Variants in C4orf51 observed in about 807,000 individuals in gnomAD.
C4orf51 encodes uncharacterized protein C4orf51.
C4orf51 carries 25 observed loss-of-function variants against 25.2 expected under a neutral mutation model. The ratio of observed to expected loss-of-function variants is 0.99; its 90% CI spans 0.72 to 1.39. C4orf51 has a LOEUF of 1.39. Among genes scored for constraint, C4orf51 ranks in the 40% most tolerant of loss-of-function variants. The probability of loss-of-function intolerance (pLI) is 0.00; values close to 1 mark genes in which losing one functional copy is unlikely to be tolerated. For synonymous variants in C4orf51, 100 were observed against 84.5 expected (o/e 1.18, Z -1.01); for missense variants, 252 against 239.6 (o/e 1.05, Z -0.34).
intron 1 of C4orf51, chr4:145,770,876 CTTAA>C (rs1736181140): frequency 6.6e-6 from 1 of 152,144 alleles, no homozygotes; most frequent in Non-Finnish European, 1.5e-5. Context: ...GTATATACAG[CTTAA>C]TTAGTTTCCA....
rs1187143811 is a variant in C4orf51, at chr4:145,765,194, T to G, written n.167-5794T>G. ...CAAGGACCGAAGCTGGGTATAGAGGTGCACAGGGCAGCGGGGAGAGGAGGG... is the reference window on the plus strand; with the variant it reads ...CAAGGACCGAAGCTGGGTATAGAGGGGCACAGGGCAGCGGGGAGAGGAGGG... On this transcript the variant is annotated intron_variant and non_coding_transcript_variant, in intron 1 of 1. Coordinates refer to the C4orf51 transcript ENST00000510096. The surrounding 1 kb of genome is among the most constrained non-coding windows in gnomAD (Gnocchi z 4.7). 6.4e-7 allele frequency: 1 copy of G among 1,571,208 alleles called. No individual in the cohort carries two copies. Among genetic ancestry groups the G allele is most frequent in the East Asian group, 2.2e-5 (1 of 44,500 alleles).
intron 2 of C4orf51, among the ~76,000 whole-genome samples, chr4:145,702,759 C>G (rs1324447986): frequency 1.3e-5 from 2 of 152,118 alleles, no homozygotes; most frequent in African/African-American, 4.8e-5. Context: ...ACCTGTTTTT[C>G]TCCTCTTATT....
chr4:145,769,022 TA>T, intron 1 of C4orf51, among the ~76,000 whole-genome samples: 1 of 149,418 alleles, frequency 6.7e-6, no homozygotes, highest in South Asian at 2.1e-4. Flanking sequence ...CAAAATTTTC[TA>T]GAGTGACCAT....
At chr4:145,710,323 G>A (rs1451320909) in intron 2 of C4orf51, among the ~76,000 whole-genome samples, 1 of 152,124 alleles carries the variant, frequency 6.6e-6, no homozygotes, top group Non-Finnish European at 1.5e-5. Flanking sequence ...CTTGGAAGAG[G>A]GCCAACAGGT....
downstream of C4orf51, among the ~76,000 whole-genome samples, chr4:145,755,709 T>C (rs1043700294): frequency 6.6e-6 from 1 of 152,198 alleles, no homozygotes; most frequent in Non-Finnish European, 1.5e-5. Context: ...CTGGGGCCTG[T>C]TTTACAGGCA....
intron 1 of C4orf51, among the ~76,000 whole-genome samples, chr4:145,694,000 G>A (rs1289727023): frequency 3.2e-5 from 4 of 124,854 alleles, no homozygotes; most frequent in South Asian, 2.9e-4. Flanking sequence ...GGCAGCTGCC[G>A]GGCGGAGGGG....
chr4:145,753,944 C>T (rs1281119585), intron 1 of C4orf51, among the ~76,000 whole-genome samples: 1 of 152,230 alleles, frequency 6.6e-6, no homozygotes, highest in Non-Finnish European at 1.5e-5. Flanking sequence ...CTTTGCCTGC[C>T]TCTTAATGTG....
At chr4:145,781,256 C>CATGGGTCAGAG in the C4orf51 span, among the ~76,000 whole-genome samples, 1 of 93,878 alleles carries the variant, frequency 1.1e-5, no homozygotes, top group Admixed American at 1.1e-4. Flanking sequence ...ATGCTCACAA[C>CATGGGTCAGAG]ATGGGTCAGA....
chr4:145,717,699 C>G (rs576556962), intron 2 of C4orf51, among the ~76,000 whole-genome samples: 2 of 152,200 alleles, frequency 1.3e-5, no homozygotes, highest in Admixed American at 1.3e-4. Flanking sequence ...GAAAGGTTCT[C>G]AAATTCCTTT....
chr4:145,718,541 A>G (rs1731540969), intron 2 of C4orf51, among the ~76,000 whole-genome samples: 1 of 152,240 alleles, frequency 6.6e-6, no homozygotes, highest in Admixed American at 6.5e-5. Flanking sequence ...GACTTCAAAA[A>G]GCAGTAAGAA....
At chr4:145,740,085 G>C (rs565476667) in intron 1 of C4orf51, among the ~76,000 whole-genome samples, 1 of 152,196 alleles carries the variant, frequency 6.6e-6, no homozygotes, top group East Asian at 1.9e-4. Flanking sequence ...CGTTCACGTG[G>C]ATCTTCAAGG....
chr4:145,726,612 G>A (rs901381586), intron 2 of C4orf51, among the ~76,000 whole-genome samples: 17 of 152,178 alleles, frequency 1.1e-4, no homozygotes, highest in African/African-American at 3.6e-4. Flanking sequence ...TCCCTATGTT[G>A]CCAACGCTGG....
Position 145,683,543 on chromosome 4 carries a change from G to T in C4orf51, c.233+3107G>T, listed in dbSNP as rs184719962. Among the ~76,000 whole-genome samples the T allele has an allele frequency of 2.3e-3, 345 of 152,270 alleles. 1 individual carries two copies. Among genetic ancestry groups the T allele is most frequent in the Non-Finnish European group, 3.2e-3 (218 of 67,996 alleles). On this transcript the variant is annotated intron_variant, in intron 1 of 5. Transcript: ENST00000438731. Reference sequence around the variant, plus strand: ...GTAATCAAGATAGTGTAGTATTGGTGAGAGAACAGATCAATGAAGTAGAAT... The same window carrying T: ...GTAATCAAGATAGTGTAGTATTGGTTAGAGAACAGATCAATGAAGTAGAAT...
chr4:145,757,240 A>C (rs2126821807), downstream of C4orf51, among the ~76,000 whole-genome samples: 1 of 152,330 alleles, frequency 6.6e-6, no homozygotes, highest in Middle Eastern at 3.4e-3. Flanking sequence ...ATAGTTGCCC[A>C]ACTTCATTAA....
downstream of C4orf51, among the ~76,000 whole-genome samples, chr4:145,733,712 A>T (rs1051249602): frequency 6.6e-6 from 1 of 152,176 alleles, no homozygotes; most frequent in African/African-American, 2.4e-5. Context: ...GGTTAAATAC[A>T]TTCCCCGGGA....
downstream of C4orf51, among the ~76,000 whole-genome samples, chr4:145,733,351 C>A (rs1560856358): frequency 2.0e-5 from 3 of 152,322 alleles, no homozygotes; most frequent in South Asian, 6.2e-4. Context: ...CCTCGTCGCC[C>A]CCGCGGAGCG....
At chr4:145,779,547 G>T in the C4orf51 span, 1 of 1,603,520 alleles carries the variant, frequency 6.2e-7, no homozygotes, top group East Asian at 2.3e-5. Context: ...GAGAAATAAG[G>T]CAACAAGAAT....
At chr4:145,747,946 G>A (rs964548462) in intron 1 of C4orf51, among the ~76,000 whole-genome samples, 1 of 151,998 alleles carries the variant, frequency 6.6e-6, no homozygotes, top group Non-Finnish European at 1.5e-5. Flanking sequence ...GAGTAGGATT[G>A]GTATTACTTC....
chr4:145,694,936 T>C (rs573704795), intron 1 of C4orf51, among the ~76,000 whole-genome samples: 3 of 152,182 alleles, frequency 2.0e-5, no homozygotes, highest in African/African-American at 7.2e-5. Flanking sequence ...TATGACAAAT[T>C]AGAGAACAAA....
Sources: allele counts gnomAD v4.1 joint callset (sites outside exome capture counted in the v4.1 genomes callset), GRCh38; gene constraint gnomAD v4.1.1; non-coding constraint Gnocchi (gnomAD v3.1); transcripts MANE v1.5; gene names NCBI Gene and HGNC (gene_info 2026-07-23, HGNC 2026-07-21).